The following TAX1BP1 variants were observed in gnomAD, a reference collection of about 807,000 sequenced individuals.
TAX1BP1 encodes tax1-binding protein 1.
A neutral mutation model predicts 97.7 loss-of-function variants in TAX1BP1; 62 were observed. The ratio of observed to expected loss-of-function variants is 0.63; its 90% confidence interval spans 0.52 to 0.78. The LOEUF (loss-of-function observed/expected upper bound fraction) is 0.78, where lower values mean the gene tolerates loss of function less well. TAX1BP1 is among the 30% of genes least tolerant of loss of function. The probability of loss-of-function intolerance (pLI) is 0.00; values close to 1 mark genes in which losing one functional copy is unlikely to be tolerated. For missense variants in TAX1BP1, 867 were observed against 916.1 expected (o/e 0.95, Z 0.69); for synonymous variants, 340 against 304.2 (o/e 1.12, Z -1.23).
chr7:27,810,889 C>T (rs1790533615), intron 13 of TAX1BP1, among the ~76,000 whole-genome samples: 1 of 152,066 alleles, frequency 6.6e-6, no homozygotes, highest in East Asian at 1.9e-4. Context: ...GAATGCTCTT[C>T]ATCTGCTTGG....
At chr7:27,765,790 T>G (rs1208455386) in intron 3 of TAX1BP1, 44 bp from the exon 4 acceptor site, 2 of 1,514,540 alleles carry the variant, frequency 1.3e-6, no homozygotes, top group Non-Finnish European at 1.8e-6. Context: ...ACATGAATTT[T>G]ATAATAGGAA....
At chr7:27,819,933 A>T (rs964839788) in intron 15 of TAX1BP1, among the ~76,000 whole-genome samples, 1 of 152,134 alleles carries the variant, frequency 6.6e-6, no homozygotes, top group African/African-American at 2.4e-5. Flanking sequence ...ATGGGTCTAA[A>T]TCCTTGCTCC....
At chr7:27,768,970 A>C (rs1788742622) in intron 4 of TAX1BP1, among the ~76,000 whole-genome samples, 1 of 151,982 alleles carries the variant, frequency 6.6e-6, no homozygotes, top group African/African-American at 2.4e-5. Context: ...GAGAAATATT[A>C]ACTTTGTTTT....
rs1788292759 is a variant in TAX1BP1, at chr7:27,758,082, C to T, written c.214C>T (p.Pro72Ser). The T allele has an allele frequency of 6.2e-7, 1 of 1,612,400 alleles. No homozygotes were observed. The change falls in exon 3 of 17, where the codon CCT becomes TCT. Residue 72 changes from proline (P) to serine (S), a missense_variant. This residue lies in a region of TAX1BP1 where 822 missense variants were observed against 851.4 expected (regional missense o/e 0.97). Coordinates refer to ENST00000396319, the MANE Select transcript of TAX1BP1 (RefSeq NM_006024.7). ...DYYTFLWSPM[P>S]EHYVEGSTVN... ...TTACACGTTTTTATGGTCCCCTATG[C>T]CTGAACATTATGTGGAAGGATCAAC...
chr7:27,750,738 A>AT (rs750070828), intron 2 of TAX1BP1, among the ~76,000 whole-genome samples: 6 of 152,020 alleles, frequency 3.9e-5, no homozygotes, highest in Admixed American at 3.3e-4. Context: ...TATTTCTTAT[A>AT]TTTTTTCATT....
chr7:27,755,509 A>T (rs1342001697), intron 2 of TAX1BP1, among the ~76,000 whole-genome samples: 1 of 151,992 alleles, frequency 6.6e-6, no homozygotes, highest in Non-Finnish European at 1.5e-5. Flanking sequence ...GGTAACTTTG[A>T]TGTTATTCTG....
intron 15 of TAX1BP1, among the ~76,000 whole-genome samples, chr7:27,821,394 G>A (rs192257117): frequency 4.6e-5 from 7 of 152,194 alleles, no homozygotes; most frequent in Admixed American, 2.6e-4. Context: ...ACTTTGGGAG[G>A]TCTAGGCAGG....
intron 5 of TAX1BP1, among the ~76,000 whole-genome samples, chr7:27,773,365 A>T (rs182419221): frequency 1.3e-5 from 2 of 152,118 alleles, no homozygotes; most frequent in East Asian, 3.8e-4. Context: ...TTACAAAATC[A>T]TGCAACCATT....
chr7:27,814,239 A>G (rs1215046951), intron 13 of TAX1BP1, among the ~76,000 whole-genome samples: 3 of 152,044 alleles, frequency 2.0e-5, no homozygotes, highest in Non-Finnish European at 4.4e-5. Flanking sequence ...GATGAAGGAC[A>G]TCTTTTGAAT....
At chr7:27,779,428 TAGC>T (rs1789163922) in intron 5 of TAX1BP1, among the ~76,000 whole-genome samples, 1 of 152,254 alleles carries the variant, frequency 6.6e-6, no homozygotes, top group Admixed American at 6.5e-5. Flanking sequence ...CTCAGTATCA[TAGC>T]AGTGTTTGAA....
In TAX1BP1 at chr7:27,793,278, T is replaced by G. The variant is rs1052833728; in HGVS notation, c.1410+66T>G. 1.3e-4 allele frequency: 171 copies of G among 1,359,706 alleles called. 1 individual carries two copies. Among genetic ancestry groups the G allele is most frequent in the Non-Finnish European group, 1.7e-4 (169 of 1,009,794 alleles). 84.2% of individuals were successfully genotyped at this position (1,359,706 alleles called of 1,614,324 possible). A position where few individuals can be genotyped will look rare whatever the true frequency, so the allele number is the denominator to read the frequency against. On this transcript the variant is annotated intron_variant, in intron 10 of 16. Coordinates refer to ENST00000396319, the MANE Select transcript of TAX1BP1 (RefSeq NM_006024.7). ...AGTATTTTTGTTCGAAAATCAAATTTGTAATATTCCAAATATCAACCTTTT... is the reference window on the plus strand; with the variant it reads ...AGTATTTTTGTTCGAAAATCAAATTGGTAATATTCCAAATATCAACCTTTT...
intron 15 of TAX1BP1, among the ~76,000 whole-genome samples, chr7:27,820,433 G>A (rs1256830179): frequency 2.6e-5 from 4 of 152,060 alleles, no homozygotes; most frequent in Admixed American, 6.6e-5. Context: ...GAGAGTTGAG[G>A]GCTGTTTCCC....
At chr7:27,768,398 C>G (rs529657400) in intron 4 of TAX1BP1, among the ~76,000 whole-genome samples, 1 of 152,040 alleles carries the variant, frequency 6.6e-6, no homozygotes, top group African/African-American at 2.4e-5. Context: ...CATATACATT[C>G]TTATCTAATT....
At chr7:27,754,721 C>T (rs568421866) in intron 2 of TAX1BP1, among the ~76,000 whole-genome samples, 23 of 152,082 alleles carry the variant, frequency 1.5e-4, no homozygotes, top group Admixed American at 5.2e-4. Flanking sequence ...TACAGGCACC[C>T]GCCACCACGC....
At chr7:27,779,490 C>T (rs763626220) in intron 5 of TAX1BP1, among the ~76,000 whole-genome samples, 35 of 152,178 alleles carry the variant, frequency 2.3e-4, no homozygotes, top group Non-Finnish European at 4.1e-4. Flanking sequence ...TACATTTTCT[C>T]TTCAAGATTC....
intron 13 of TAX1BP1, among the ~76,000 whole-genome samples, chr7:27,809,768 C>T (rs1238677354): frequency 2.0e-5 from 3 of 151,988 alleles, no homozygotes; most frequent in African/African-American, 7.2e-5. Context: ...TTGACTGTAC[C>T]AATGCAGCCT....
rs753625931 is a variant in TAX1BP1, at chr7:27,799,992, G to A, written c.1666G>A (p.Ala556Thr). 5.0e-6 allele frequency: 8 copies of A among 1,601,576 alleles called. No individual in the cohort carries two copies. The highest frequency in any genetic ancestry group is 2.3e-5 in the East Asian group (1 of 44,314). Reference protein sequence around the residue: ...QDEKAKCNKYADELAKMELKW... With the variant: ...QDEKAKCNKYTDELAKMELKW... Reference sequence around the variant, plus strand: ...TGAGAAAGCAAAATGCAATAAATATGCTGATGAACTTGCAAAAATGGAGCT... The same window carrying A: ...TGAGAAAGCAAAATGCAATAAATATACTGATGAACTTGCAAAAATGGAGCT... Residue 556 changes from alanine (A) to threonine (T), a missense_variant, in exon 13 of 17, where the codon GCT becomes ACT. Ala to Thr is a moderately conservative substitution (Grantham distance 58, BLOSUM62 0). Around this residue, in one of 3 missense-constraint regions of TAX1BP1, gnomAD observed 822 missense variants for 851.4 expected, o/e 0.97. Coordinates refer to ENST00000396319, the MANE Select transcript of TAX1BP1 (RefSeq NM_006024.7).
intron 5 of TAX1BP1, among the ~76,000 whole-genome samples, chr7:27,781,274 G>A (rs1376052150): frequency 6.6e-6 from 1 of 152,138 alleles, no homozygotes; most frequent in Non-Finnish European, 1.5e-5. Flanking sequence ...CTTGACAATG[G>A]GGATACGTTC....
At chr7:27,764,559 C>A (rs892963548) in intron 3 of TAX1BP1, among the ~76,000 whole-genome samples, 1 of 152,108 alleles carries the variant, frequency 6.6e-6, no homozygotes, top group African/African-American at 2.4e-5. Flanking sequence ...TTCTGGATTT[C>A]TCCACTGTAA....
Sources: allele counts gnomAD v4.1 joint callset (sites outside exome capture counted in the v4.1 genomes callset), GRCh38; gene constraint gnomAD v4.1.1; regional missense constraint gnomAD v4.1.1; transcripts MANE v1.5; gene names NCBI Gene and HGNC (gene_info 2026-07-23, HGNC 2026-07-21).